The following RPGRIP1 variants were observed in gnomAD, a reference collection of about 807,000 sequenced individuals.
RPGRIP1 encodes RPGR interacting protein 1.
RPGRIP1 carries 128 observed loss-of-function variants against 157.9 expected under a neutral mutation model. The ratio of observed to expected loss-of-function variants is 0.81; its 90% CI spans 0.70 to 0.94. RPGRIP1 has a LOEUF of 0.94. Ranked by LOEUF, RPGRIP1 falls within the 40% of genes least tolerant of loss-of-function variation. The pLI is 0.00. For missense variants in RPGRIP1, 1,486 were observed against 1,545.8 expected (o/e 0.96, Z 0.65); for synonymous variants, 554 against 571.6 (o/e 0.97, Z 0.44).
intron 2 of RPGRIP1, among the ~76,000 whole-genome samples, chr14:21,293,810 C>T (rs530818208): frequency 2.2e-4 from 34 of 151,672 alleles, no homozygotes; most frequent in Non-Finnish European, 4.1e-4. Context: ...ACCTGGGAAG[C>T]GGAGCTTGCA....
chr14:21,346,985 G>A (rs1397003219), intron 23 of RPGRIP1, among the ~76,000 whole-genome samples: 1 of 152,256 alleles, frequency 6.6e-6, no homozygotes, highest in Non-Finnish European at 1.5e-5. Context: ...TTAAACAGAT[G>A]TAAGCTTACA....
chr14:21,340,461 C>G (rs949161252), intron 21 of RPGRIP1, among the ~76,000 whole-genome samples: 10 of 152,166 alleles, frequency 6.6e-5, no homozygotes, highest in African/African-American at 2.4e-4. Context: ...TCGAGACCAG[C>G]CTGGGCAACA....
In RPGRIP1 at chr14:21,339,097, C is replaced by T. The variant is rs930912650; in HGVS notation, c.3340-3939C>T. Among the ~76,000 whole-genome samples the T allele has an allele frequency of 3.3e-5, 5 of 152,212 alleles. No homozygotes were observed. In the South Asian group the frequency reaches 1.0e-3, roughly 32 times the overall value. On this transcript the variant is annotated intron_variant, in intron 21 of 24. Transcript: ENST00000400017. ...GTTGCAGTGAGCCAAGATTGCACCA[C>T]TGCACTCCAGCCTGGGCGACAGAGC...
rs919878818 is a variant in RPGRIP1 at position 21,343,375 on chromosome 14, A to C, written c.3532+147A>C. On this transcript the variant is annotated intron_variant, in intron 22 of 24. Transcript: ENST00000400017. ...CAAAGTGTTGTGTGCATGTGGTTTA[A>C]AAACATCGAATGGGGCTAAACATTT... is the stretch of plus-strand genomic sequence containing the variant. 7.7e-6 allele frequency: 5 copies of C among 649,248 alleles called. No homozygotes were observed. The Admixed American group carries it at 9.4e-5, about 12-fold the overall frequency. 40.2% of individuals were successfully genotyped at this position (649,248 alleles called of 1,614,324 possible). A position where few individuals can be genotyped will look rare whatever the true frequency, so the allele number is the denominator to read the frequency against.
intron 1 of RPGRIP1, among the ~76,000 whole-genome samples, chr14:21,283,106 A>G (rs750014270): frequency 6.6e-5 from 10 of 152,086 alleles, no homozygotes; most frequent in African/African-American, 2.4e-4. Context: ...TGGTGCGTCA[A>G]TGTGCTCTGG....
intron 21 of RPGRIP1, among the ~76,000 whole-genome samples, chr14:21,340,898 G>A (rs1163160764): frequency 6.6e-6 from 1 of 151,724 alleles, no homozygotes; most frequent in Admixed American, 6.6e-5. Flanking sequence ...TAAAAAGCTA[G>A]TGAAACCCGC....
chr14:21,343,796 T>C (rs1219966533), intron 22 of RPGRIP1, among the ~76,000 whole-genome samples: 1 of 149,760 alleles, frequency 6.7e-6, no homozygotes, highest in African/African-American at 2.4e-5. Flanking sequence ...CCATCCTATC[T>C]CAGCCATTTC....
chr14:21,345,172 A>G lies in RPGRIP1; in HGVS notation c.3592A>G (p.Asn1198Asp), dbSNP rs1428905683. The G allele has an allele frequency of 6.2e-7, 1 of 1,613,268 alleles. No individual in the cohort carries two copies. The highest frequency in any genetic ancestry group is 8.5e-7 in the Non-Finnish European group (1 of 1,179,294). The part of the protein sequence containing the change: ...GRRRFLFDML[N>D]GQDPDQGHLK... ...AAGGCGGTTTCTGTTCGACATGCTGAATGGACAAGATCCTGATCAAGGACA... is the reference window on the plus strand; with the variant it reads ...AAGGCGGTTTCTGTTCGACATGCTGGATGGACAAGATCCTGATCAAGGACA... The change falls in exon 23 of 25, where the codon AAT (asparagine) becomes GAT (aspartate). Residue 1198 changes from asparagine (N) to aspartate (D), a missense_variant. Coordinates refer to ENST00000400017, the MANE Select transcript of RPGRIP1 (RefSeq NM_020366.4).
At position 21,285,605 on chromosome 14, in the gene RPGRIP1, CA is replaced by C. The variant is rs397852011; in HGVS notation, c.-38-2320del. On this transcript the variant is annotated intron_variant, in intron 1 of 24. Coordinates refer to ENST00000400017, the MANE Select transcript of RPGRIP1 (RefSeq NM_020366.4). ...GGGTGACAGAGTGAGACTCCATCTC[CA>C]AAAAAAAAAAAAAGAGCAAGAAAGA... 1.3e-3 allele frequency among the ~76,000 whole-genome samples: 169 copies of C among 129,520 alleles called. 2 individuals carry two copies. In the South Asian group the frequency reaches 0.014, roughly 11 times the overall value. 85.0% of individuals were successfully genotyped at this position (129,520 alleles called of 152,430 possible).
At chr14:21,328,709 G>A (rs2055303723) in intron 19 of RPGRIP1, 82 bp downstream of exon 19, 2 of 1,001,220 alleles carry the variant, frequency 2.0e-6, no homozygotes, top group Admixed American at 2.1e-5. Flanking sequence ...AGAAGCAGAA[G>A]CAGAAGCAGA....
intron 22 of RPGRIP1, among the ~76,000 whole-genome samples, chr14:21,344,364 C>T (rs565050134): frequency 1.3e-4 from 20 of 152,144 alleles, no homozygotes; most frequent in Non-Finnish European, 2.8e-4. Context: ...GTCAAATTAT[C>T]TACTCATCTA....
chr14:21,319,352 A>G (rs913938539), intron 11 of RPGRIP1, among the ~76,000 whole-genome samples: 3 of 152,196 alleles, frequency 2.0e-5, no homozygotes, highest in African/African-American at 2.4e-5. Context: ...ACATGAGGCC[A>G]GGAGTTTCAG....
At position 21,351,127 on chromosome 14, in the gene RPGRIP1, A is replaced by AC; in HGVS notation, c.3776dup (p.Ile1260AsnfsTer23). 6.2e-7 allele frequency: 1 copy of AC among 1,611,306 alleles called. No individual in the cohort carries two copies. Among genetic ancestry groups the AC allele is most frequent in the Admixed American group, 1.7e-5 (1 of 59,740 alleles). ...AGTTGTTAGCCCTGAAGATCTGGCT[A>AC]CCCCAATAGGAAGGCTGAAGGTTTC... On this transcript the variant is annotated frameshift_variant, in exon 25 of 25. Transcript: ENST00000400017. LOFTEE classifies it high-confidence loss of function.
At position 21,328,592 on chromosome 14, in the gene RPGRIP1, C is replaced by T. The variant is rs367899074; in HGVS notation, c.3064C>T (p.Leu1022Phe). The T allele has an allele frequency of 1.0e-4, 168 of 1,613,520 alleles. No homozygotes were observed. Among genetic ancestry groups the T allele is most frequent in the Non-Finnish European group, 1.4e-4 (162 of 1,179,630 alleles). ...GVQGKNRMEY[L>F]SLNILNGNTP... ...TCAAGGAAAGAATAGAATGGAGTAT[C>T]TTAGCCTTAACATCTTAAATGGAAA... Residue 1022 changes from leucine (L) to phenylalanine (F), a missense_variant, in exon 19 of 25, where the codon CTT becomes TTT. Physicochemically the swap from Leu to Phe is conservative, Grantham distance 22. Transcript: ENST00000400017.
At position 21,310,611 on chromosome 14, in the gene RPGRIP1, C is replaced by T; in HGVS notation, c.930+4C>T. 3.4e-6 allele frequency: 5 copies of T among 1,458,554 alleles called. No homozygotes were observed. Among genetic ancestry groups the T allele is most frequent in the Non-Finnish European group, 4.7e-6 (5 of 1,074,382 alleles). The allele number at this position is 1,458,554 out of a possible 1,614,324, so 90.4% of individuals were successfully genotyped here. On this transcript the variant is annotated splice_donor_region_variant and intron_variant, in intron 8 of 24. Coordinates refer to ENST00000400017, the MANE Select transcript of RPGRIP1 (RefSeq NM_020366.4). ...ATACGAAACCTTGCTCCAGAAGGTA[C>T]TTAATGAGAATTGAGTCTCTGTTTC...
At chr14:21,345,032 T>C (rs576637137) in intron 22 of RPGRIP1, 81 bp from the exon 23 acceptor site, 3 of 881,740 alleles carry the variant, frequency 3.4e-6, no homozygotes, top group African/African-American at 1.7e-5. Context: ...AAAACTACCA[T>C]GAATACCACT....
At chr14:21,281,528 A>C (rs1880123262) in intron 1 of RPGRIP1, among the ~76,000 whole-genome samples, 1 of 151,734 alleles carries the variant, frequency 6.6e-6, no homozygotes, top group Non-Finnish European at 1.5e-5. Flanking sequence ...GTCTCTACTA[A>C]GAATAGAAAA....
chr14:21,330,590 C>T (rs1883658436), intron 20 of RPGRIP1, among the ~76,000 whole-genome samples: 1 of 151,916 alleles, frequency 6.6e-6, no homozygotes, highest in South Asian at 2.1e-4. Flanking sequence ...TGCTTGAACC[C>T]AGGAGGAGGA....
At chr14:21,338,168 G>A (rs919261871) in intron 21 of RPGRIP1, among the ~76,000 whole-genome samples, 7 of 152,116 alleles carry the variant, frequency 4.6e-5, no homozygotes, top group Non-Finnish European at 5.9e-5. Context: ...TGCCCGCCTC[G>A]GCCTCCCAAA....
Sources: gnomAD v4.1 joint callset for allele counts (sites outside exome capture counted in the v4.1 genomes callset) on GRCh38, gnomAD v4.1.1 for gene constraint, MANE v1.5 for transcripts, NCBI Gene and HGNC (gene_info 2026-07-23, HGNC 2026-07-21) for gene names.